The following MROH9 variants were observed in gnomAD, a reference collection of about 807,000 sequenced individuals.
The protein encoded by MROH9 is maestro heat like repeat family member 9, also known as maestro heat-like repeat-containing protein family member 9.
A neutral mutation model predicts 98.2 loss-of-function variants in MROH9; 92 were observed. The ratio of observed to expected loss-of-function variants is 0.94; its 90% confidence interval spans 0.79 to 1.11. The LOEUF (loss-of-function observed/expected upper bound fraction) is 1.11. Ranked by LOEUF, MROH9 falls within the 50% of genes most tolerant of loss-of-function variation. The pLI, the probability that MROH9 is intolerant of heterozygous loss-of-function variation, is 0.00. For missense variants in MROH9, 1,057 were observed against 1,014.8 expected, an observed-to-expected ratio of 1.04 and a Z score of -0.57; for synonymous variants, 397 against 368.9, an observed-to-expected ratio of 1.08 and a Z score of -0.87.
chr1:171,022,524 C>T lies in MROH9; in HGVS notation c.1909-1871C>T, dbSNP rs145394328. Among the ~76,000 whole-genome samples, 861 of 152,248 alleles carry T rather than the reference C, an allele frequency of 5.7e-3. 6 individuals carry two copies. Among genetic ancestry groups the T allele is most frequent in the South Asian group, 0.029 (140 of 4,816 alleles). ...CAGAAAATGAAATACCACATGTTCT[C>T]ACTCATAAGTGGGAGTTGAACAATG... On this transcript the variant is annotated intron_variant, in intron 17 of 21. Coordinates refer to ENST00000367759, the MANE Select transcript of MROH9 (RefSeq NM_001163629.2).
chr1:170,975,937 C>A (rs1279346460), intron 8 of MROH9, among the ~76,000 whole-genome samples: 4 of 152,004 alleles, frequency 2.6e-5, no homozygotes, highest in Non-Finnish European at 5.9e-5. Context: ...TCTTTGTCGG[C>A]TTAAAGTCTA....
At chr1:170,947,010 A>T (rs967161006) in intron 2 of MROH9, among the ~76,000 whole-genome samples, 2 of 151,888 alleles carry the variant, frequency 1.3e-5, no homozygotes, top group African/African-American at 4.8e-5. Flanking sequence ...ATGGTAAATG[A>T]TGGTGGTAGT....
intron 15 of MROH9, among the ~76,000 whole-genome samples, chr1:171,011,447 T>A (rs1449086142): frequency 6.6e-6 from 1 of 151,836 alleles, no homozygotes; most frequent in African/African-American, 2.4e-5. Context: ...TTATTACCAG[T>A]CTCCCATTAT....
At chr1:171,014,460 CT>C (rs200306246) in intron 16 of MROH9, among the ~76,000 whole-genome samples, 12,199 of 141,310 alleles carry the variant, frequency 0.086, 1,494 homozygotes, top group African/African-American at 0.28. Context: ...TATCGCCTTA[CT>C]TTTTTTTTTT....
intron 6 of MROH9, among the ~76,000 whole-genome samples, chr1:170,964,142 T>G (rs1010633305): frequency 1.3e-5 from 2 of 152,070 alleles, no homozygotes; most frequent in African/African-American, 4.8e-5. Context: ...CATAATTCCA[T>G]GAGGAGGTTA....
At chr1:171,051,646 A>T (rs1325487818) in intron 20 of MROH9, among the ~76,000 whole-genome samples, 2 of 152,202 alleles carry the variant, frequency 1.3e-5, no homozygotes, top group African/African-American at 2.4e-5. Flanking sequence ...GAGGCTTAAC[A>T]CTTAGGTGAT....
intron 15 of MROH9, among the ~76,000 whole-genome samples, chr1:171,001,515 T>G (rs1184444008): frequency 6.6e-6 from 1 of 152,170 alleles, no homozygotes; most frequent in African/African-American, 2.4e-5. Context: ...CAATGCTCAT[T>G]CAGGAGCAGG....
At chr1:170,947,008 TG>T (rs1386968361) in intron 2 of MROH9, among the ~76,000 whole-genome samples, 3 of 151,902 alleles carry the variant, frequency 2.0e-5, no homozygotes, top group African/African-American at 7.3e-5. Context: ...AAATGGTAAA[TG>T]ATGGTGGTAG....
At chr1:171,062,256 A>AT in intron 21 of MROH9, 62 bp downstream of exon 21, 2 of 1,217,484 alleles carry the variant, frequency 1.6e-6, no homozygotes, top group East Asian at 5.1e-5. Context: ...ACTATTTTTA[A>AT]TTCTAGTCAC....
chr1:171,041,035 A>G (rs1653281301), intron 20 of MROH9, among the ~76,000 whole-genome samples: 2 of 151,964 alleles, frequency 1.3e-5, no homozygotes, highest in African/African-American at 2.4e-5. Context: ...TTACATGGAT[A>G]TATTGCATAA....
intron 1 of MROH9, among the ~76,000 whole-genome samples, chr1:170,942,879 G>A (rs1351226043): frequency 6.6e-6 from 1 of 152,122 alleles, no homozygotes; most frequent in Non-Finnish European, 1.5e-5. Flanking sequence ...ATTGCTTGCA[G>A]GTGGGCCAGG....
At chr1:171,031,735 T>A (rs1464038605) in intron 20 of MROH9, among the ~76,000 whole-genome samples, 1 of 152,124 alleles carries the variant, frequency 6.6e-6, no homozygotes, top group Non-Finnish European at 1.5e-5. Context: ...CAAGCTTGGA[T>A]AATTGGATGA....
chr1:170,990,928 G>T (rs932830516), intron 11 of MROH9, among the ~76,000 whole-genome samples: 1 of 152,086 alleles, frequency 6.6e-6, no homozygotes, highest in Non-Finnish European at 1.5e-5. Flanking sequence ...CTGAAAGATG[G>T]TATTTATTTA....
intron 15 of MROH9, among the ~76,000 whole-genome samples, chr1:171,012,934 G>T (rs1009287599): frequency 5.3e-5 from 8 of 152,098 alleles, no homozygotes; most frequent in Admixed American, 5.2e-4. Flanking sequence ...TCCTCAAACT[G>T]GCCTGCAGGT....
intron 10 of MROH9, 101 bp downstream of exon 10, chr1:170,986,811 C>G: frequency 1.6e-6 from 2 of 1,280,782 alleles, no homozygotes; most frequent in Middle Eastern, 1.9e-4. Flanking sequence ...TATTTCTTGT[C>G]ATTGTTCATT....
intron 19 of MROH9, among the ~76,000 whole-genome samples, chr1:171,025,090 GTCC>G (rs1205560260): frequency 6.6e-6 from 1 of 152,130 alleles, no homozygotes; most frequent in Non-Finnish European, 1.5e-5. Context: ...TCTTGAGCTA[GTCC>G]TCTGAAACCC....
chr1:171,047,313 CT>C (rs1653500451), intron 20 of MROH9, among the ~76,000 whole-genome samples: 1 of 152,132 alleles, frequency 6.6e-6, no homozygotes, highest in South Asian at 2.1e-4. Flanking sequence ...TAGATTTGCC[CT>C]CTTGAGGCTA....
chr1:171,030,157 T>C (rs1652858700), intron 20 of MROH9, among the ~76,000 whole-genome samples: 2 of 152,216 alleles, frequency 1.3e-5, no homozygotes, highest in African/African-American at 4.8e-5. Context: ...TTATCAGTTT[T>C]TATTGTATCT....
Position 170,965,165 on chromosome 1 carries a change from G to T in MROH9, c.390G>T (p.Trp130Cys). Residue 130 changes from tryptophan (W) to cysteine (C), a missense_variant, in exon 7 of 22, where the codon TGG becomes TGT. Transcript: ENST00000367759. ...KLQILKEMLV[W>C]MSKDSSYLQE... ...GTTTCCAACAGGAAATGCTCGTGTG[G>T]ATGAGTAAAGATAGCTCATATCTGC... 6.2e-7 allele frequency: 1 copy of T among 1,608,266 alleles called. No individual in the cohort carries two copies. Among genetic ancestry groups the T allele is most frequent in the Non-Finnish European group, 8.5e-7 (1 of 1,175,904 alleles).
Sources: gnomAD v4.1 joint callset for allele counts (sites outside exome capture counted in the v4.1 genomes callset) on GRCh38, gnomAD v4.1.1 for gene constraint, MANE v1.5 for transcripts, NCBI Gene and HGNC (gene_info 2026-07-23, HGNC 2026-07-21) for gene names.